Variants in ACAN observed in about 807,000 individuals in gnomAD.
The protein encoded by ACAN is aggrecan core protein.
Under a neutral mutation model 169.1 loss-of-function variants are expected in ACAN, and 47 were observed. That is an observed-to-expected ratio of 0.28 (90% CI 0.22 to 0.35). ACAN has a LOEUF of 0.35. ACAN is among the 10% of genes least tolerant of loss of function. The pLI is 1.00. For synonymous variants in ACAN, 1,115 were observed against 1,112.2 expected, an observed-to-expected ratio of 1.00 and a Z score of -0.05; for missense variants, 2,716 against 2,759.9, an observed-to-expected ratio of 0.98 and a Z score of 0.36.
Position 88,849,374 on chromosome 15 carries a change from G to A in ACAN, c.1733-64G>A. On this transcript the variant is annotated intron_variant, in intron 9 of 18. Coordinates refer to ENST00000560601, the MANE Select transcript of ACAN (RefSeq NM_001369268.1). This position sits in a 1 kb window ranked among gnomAD's most constrained non-coding sequence, Gnocchi z 5.1. ...GGGTTAGAGGAACTCTGTCCTGGGT[G>A]GGCAGGGATGGACCTGGCCTGAGTG... The A allele has an allele frequency of 6.9e-7, 1 of 1,439,488 alleles. No individual in the cohort carries two copies. Among genetic ancestry groups the A allele is most frequent in the Non-Finnish European group, 9.2e-7 (1 of 1,082,606 alleles). 89.2% of individuals were successfully genotyped at this position (1,439,488 alleles called of 1,614,324 possible).
At chr15:88,864,270 A>G (rs1035648424) in intron 13 of ACAN, among the ~76,000 whole-genome samples, 13 of 151,634 alleles carry the variant, frequency 8.6e-5, no homozygotes, top group Non-Finnish European at 5.9e-5. Flanking sequence ...ATATGTTATA[A>G]CCTTTTTTTT....
chr15:88,808,956 A>G (rs941420003), intron 1 of ACAN, among the ~76,000 whole-genome samples: 1 of 152,194 alleles, frequency 6.6e-6, no homozygotes, highest in African/African-American at 2.4e-5. Flanking sequence ...GGTGGCCCAG[A>G]CTGAGGTTGA....
In ACAN at chr15:88,873,689, A is replaced by C. The variant is rs1417443317; in HGVS notation, c.7448-153A>C. 2 of 738,102 alleles carry C rather than the reference A, an allele frequency of 2.7e-6. No individual in the cohort carries two copies. Among genetic ancestry groups the C allele is most frequent in the Non-Finnish European group, 4.3e-6 (2 of 459,988 alleles). The allele number at this position is 738,102 out of a possible 1,614,324, so 45.7% of individuals were successfully genotyped here. A position where few individuals can be genotyped will look rare whatever the true frequency, so the allele number is the denominator to read the frequency against. On this transcript the variant is annotated intron_variant, in intron 17 of 18. Coordinates refer to ENST00000560601, the MANE Select transcript of ACAN (RefSeq NM_001369268.1). This position sits in a 1 kb window ranked among gnomAD's most constrained non-coding sequence, Gnocchi z 7.5. ...GTTGAGGAACCCAGATGTTACAGCCAGCGGCTTCCAGATTCTTAGCGCTGC... is the reference window on the plus strand; with the variant it reads ...GTTGAGGAACCCAGATGTTACAGCCCGCGGCTTCCAGATTCTTAGCGCTGC...
intron 1 of ACAN, among the ~76,000 whole-genome samples, chr15:88,820,770 A>T (rs1596117603): frequency 6.6e-6 from 1 of 152,082 alleles, no homozygotes; most frequent in Non-Finnish European, 1.5e-5. Flanking sequence ...TATTGTAGGA[A>T]TTTTTTTTGA....
intron 4 of ACAN, among the ~76,000 whole-genome samples, chr15:88,840,920 A>G (rs575753569): frequency 5.2e-4 from 79 of 152,320 alleles, no homozygotes; most frequent in South Asian, 2.7e-3. Flanking sequence ...CAAGGCGGGC[A>G]GATCACGAAG....
Position 88,843,080 on chromosome 15 carries a change from C to T in ACAN, c.758-275C>T, listed in dbSNP as rs1896705449. On this transcript the variant is annotated intron_variant, in intron 5 of 18. Coordinates refer to ENST00000560601, the MANE Select transcript of ACAN (RefSeq NM_001369268.1). This position sits in a 1 kb window ranked among gnomAD's most constrained non-coding sequence, Gnocchi z 4.0. The stretch of plus-strand genomic sequence containing the variant: ...GAGGCTTTTGAGCAGAATTTTCCTC[C>T]CAGATTTCAAGTTTGCTCCACCCTT... Among the ~76,000 whole-genome samples, 1 of 152,290 alleles carries T rather than the reference C, an allele frequency of 6.6e-6. No individual in the cohort carries two copies. The highest frequency in any genetic ancestry group is 6.5e-5 in the Admixed American group (1 of 15,298).
rs1324993355 is a variant in ACAN at position 88,849,420 on chromosome 15, C to A, written c.1733-18C>A. 6.4e-7 allele frequency: 1 copy of A among 1,559,676 alleles called. No individual in the cohort carries two copies. Among genetic ancestry groups the A allele is most frequent in the Non-Finnish European group, 8.7e-7 (1 of 1,149,998 alleles). ...GAGTGTGGGGGGGTCATATTCTACC[C>A]CTTGCCTCTGCCCCCAGGGGAGGTG... On this transcript the variant is annotated intron_variant, in intron 9 of 18. Coordinates refer to ENST00000560601, the MANE Select transcript of ACAN (RefSeq NM_001369268.1). The surrounding 1 kb of genome is among the most constrained non-coding windows in gnomAD (Gnocchi z 5.1).
At position 88,838,875 on chromosome 15, in the gene ACAN, C is replaced by A. The variant is rs767131816; in HGVS notation, c.283C>A (p.Arg95=). ...VLLVATEGRV[R]VNSAYQDKVS... Reference sequence around the variant, plus strand: ...GCTGGTGGCCACTGAAGGGCGCGTGCGGGTCAACAGTGCCTATCAGGACAA... The same window carrying A: ...GCTGGTGGCCACTGAAGGGCGCGTGAGGGTCAACAGTGCCTATCAGGACAA... Residue 95 remains arginine, a synonymous_variant, in exon 3 of 19, where the codon CGG becomes AGG. Transcript: ENST00000560601. The surrounding 1 kb of genome is among the most constrained non-coding windows in gnomAD (Gnocchi z 5.1). 6.2e-7 allele frequency: 1 copy of A among 1,614,048 alleles called. No homozygotes were observed. Among genetic ancestry groups the A allele is most frequent in the South Asian group, 1.1e-5 (1 of 91,090 alleles).
chr15:88,837,886 C>CA (rs1896544326), intron 2 of ACAN, among the ~76,000 whole-genome samples: 1 of 112,890 alleles, frequency 8.9e-6, no homozygotes, highest in Non-Finnish European at 1.9e-5. Flanking sequence ...ATGAAAGGTG[C>CA]TTTTTTTTTT....
intron 1 of ACAN, among the ~76,000 whole-genome samples, chr15:88,831,564 T>A (rs540144578): frequency 6.6e-6 from 1 of 152,212 alleles, no homozygotes; most frequent in South Asian, 2.1e-4. Flanking sequence ...ACACACTACA[T>A]TGGGTGCCAG....
intron 1 of ACAN, among the ~76,000 whole-genome samples, chr15:88,834,463 C>T (rs1395359171): frequency 1.3e-5 from 2 of 152,222 alleles, no homozygotes; most frequent in Non-Finnish European, 2.9e-5. Context: ...CCCCTCATCC[C>T]CAAATCCATC....
At chr15:88,835,536 G>A (rs147079588) in intron 1 of ACAN, among the ~76,000 whole-genome samples, 100 of 152,368 alleles carry the variant, frequency 6.6e-4, no homozygotes, top group Non-Finnish European at 1.2e-3. Flanking sequence ...AGACCTGGTG[G>A]TGTAATTCTA....
chr15:88,830,281 A>G lies in ACAN; in HGVS notation c.-7-5919A>G, dbSNP rs568230579. 9.0e-4 allele frequency among the ~76,000 whole-genome samples: 137 copies of G among 152,340 alleles called. 1 individual carries two copies. In the South Asian group the frequency reaches 0.028, roughly 31 times the overall value. ...TCATTCAAAGGAAAGAAAAGTGCTC[A>G]TTATCCTTCCCCAGCCCGTTTCTTT... On this transcript the variant is annotated intron_variant, in intron 1 of 18. Transcript: ENST00000560601.
Position 88,840,201 on chromosome 15 carries a change from A to G in ACAN, c.629+15A>G. 6.3e-7 allele frequency: 1 copy of G among 1,576,052 alleles called. No homozygotes were observed. Among genetic ancestry groups the G allele is most frequent in the Non-Finnish European group, 8.6e-7 (1 of 1,163,452 alleles). On this transcript the variant is annotated intron_variant, in intron 4 of 18. Coordinates refer to ENST00000560601, the MANE Select transcript of ACAN (RefSeq NM_001369268.1). ...CAGACTGTCAGGTGAGCCCTAGCCC[A>G]TCAGCTAGTGGGGGCCAGGAGTCAG...
At position 88,844,297 on chromosome 15, in the gene ACAN, T is replaced by A. The variant is rs1035170008; in HGVS notation, c.1051+649T>A. On this transcript the variant is annotated intron_variant, in intron 6 of 18. Coordinates refer to ENST00000560601, the MANE Select transcript of ACAN (RefSeq NM_001369268.1). ...ATACAGGCACCACCATGCTTTGCTT[T>A]TTTTTTTTTTTTTTTTTGGTAGAGA... Among the ~76,000 whole-genome samples the A allele has an allele frequency of 2.7e-3, 397 of 144,368 alleles. 3 individuals carry two copies. The highest frequency in any genetic ancestry group is 0.012 in the East Asian group (62 of 5,088). 94.7% of individuals were successfully genotyped at this position (144,368 alleles called of 152,430 possible).
rs761003367 is a variant in ACAN, at chr15:88,858,277, C to T, written c.5692C>T (p.Pro1898Ser). The change falls in exon 12 of 19, where the codon CCA (proline) becomes TCA (serine). Residue 1898 changes from proline (P) to serine (S), a missense_variant. Transcript: ENST00000560601. This position sits in a 1 kb window ranked among gnomAD's most constrained non-coding sequence, Gnocchi z 4.0. ...TSQTPEFSGL[P>S]SGIAEVSGES... Reference sequence around the variant, plus strand: ...CCAGACTCCGGAATTCAGTGGCCTACCAAGTGGCATAGCTGAGGTCAGTGG... The same window carrying T: ...CCAGACTCCGGAATTCAGTGGCCTATCAAGTGGCATAGCTGAGGTCAGTGG... 2 of 1,613,900 alleles carry T rather than the reference C, an allele frequency of 1.2e-6. No homozygotes were observed. The highest frequency in any genetic ancestry group is 2.2e-5 in the East Asian group (1 of 44,888).
chr15:88,862,386 C>T (rs544943853), intron 13 of ACAN, among the ~76,000 whole-genome samples: 3 of 152,162 alleles, frequency 2.0e-5, no homozygotes, highest in Non-Finnish European at 2.9e-5. Context: ...GACTGAGAAC[C>T]GCTGCTGTGA....
intron 2 of ACAN, 74 bp downstream of exon 2, chr15:88,836,350 C>G (rs906157675): frequency 2.4e-6 from 3 of 1,249,232 alleles, no homozygotes; most frequent in African/African-American, 3.0e-5. Flanking sequence ...GGTACTGAAC[C>G]TGGTGCTACT....
rs558954502 is a variant in ACAN at position 88,850,001 on chromosome 15, A to G, written c.2026+270A>G. ...TAGAAATGAAGCAGACCTGAATTTG[A>G]GTTATGGCTCTGCTACTTAATAGCT... is the stretch of plus-strand genomic sequence containing the variant. On this transcript the variant is annotated intron_variant, in intron 10 of 18. Coordinates refer to ENST00000560601, the MANE Select transcript of ACAN (RefSeq NM_001369268.1). 2.8e-5 allele frequency: 17 copies of G among 609,624 alleles called. No homozygotes were observed. The South Asian group carries it at 3.3e-4, about 12-fold the overall frequency. The allele number at this position is 609,624 out of a possible 1,614,324, so 37.8% of individuals were successfully genotyped here.
Sources: allele counts gnomAD v4.1 joint callset (sites outside exome capture counted in the v4.1 genomes callset), GRCh38; gene constraint gnomAD v4.1.1; non-coding constraint Gnocchi (gnomAD v3.1); transcripts MANE v1.5; gene names NCBI Gene and HGNC (gene_info 2026-07-23, HGNC 2026-07-21).